GALNT18: variants seen among roughly 807,000 people sequenced by gnomAD.
GALNT18 encodes the protein polypeptide N-acetylgalactosaminyltransferase 18.
In GALNT18, 44 loss-of-function variants were observed where a neutral mutation model predicts 69.5. The ratio of observed to expected loss-of-function variants is 0.63; its 90% CI spans 0.50 to 0.81. The LOEUF is 0.81. GALNT18 is among the 40% of genes least tolerant of loss of function. The probability of loss-of-function intolerance (pLI) is 0.00; values close to 1 mark genes in which losing one functional copy is unlikely to be tolerated. For synonymous variants in GALNT18, 364 were observed against 318.2 expected, an observed-to-expected ratio of 1.14 and a Z score of -1.53; for missense variants, 715 against 810.0, an observed-to-expected ratio of 0.88 and a Z score of 1.42.
intron 2 of GALNT18, among the ~76,000 whole-genome samples, chr11:11,438,327 C>T (rs568592440): frequency 1.3e-5 from 2 of 152,306 alleles, no homozygotes; most frequent in East Asian, 3.9e-4. Flanking sequence ...ACTGTCCCTC[C>T]TTCTGGCTGG....
intron 2 of GALNT18, among the ~76,000 whole-genome samples, chr11:11,446,310 A>G (rs1273362730): frequency 6.6e-6 from 1 of 152,208 alleles, no homozygotes; most frequent in Non-Finnish European, 1.5e-5. Context: ...TATAATCTGT[A>G]AAATCCACCC....
intron 3 of GALNT18, among the ~76,000 whole-genome samples, chr11:11,429,373 C>CTT (rs1380254196): frequency 6.6e-6 from 1 of 152,232 alleles, no homozygotes. Context: ...ACTTTCGGTT[C>CTT]TTTCCTCTGC....
intron 10 of GALNT18, among the ~76,000 whole-genome samples, chr11:11,280,131 C>T (rs941755073): frequency 7.2e-5 from 11 of 152,236 alleles, no homozygotes; most frequent in South Asian, 2.1e-4. Context: ...CTGTGCCCCA[C>T]ACCCCAGGGC....
intron 9 of GALNT18, among the ~76,000 whole-genome samples, chr11:11,310,004 AT>A (rs1320927858): frequency 1.3e-5 from 2 of 152,138 alleles, no homozygotes; most frequent in African/African-American, 4.8e-5. Flanking sequence ...TAAAAAGCAA[AT>A]CCAAATGCAC....
chr11:11,360,971 C>T (rs1850632480), intron 6 of GALNT18, among the ~76,000 whole-genome samples: 1 of 152,124 alleles, frequency 6.6e-6, no homozygotes, highest in African/African-American at 2.4e-5. Flanking sequence ...CACAGAAAGT[C>T]CTCAAAGTCA....
chr11:11,585,782 A>G (rs1859202450), intron 1 of GALNT18, among the ~76,000 whole-genome samples: 1 of 150,868 alleles, frequency 6.6e-6, no homozygotes, highest in East Asian at 2.0e-4. Context: ...ATAGAAAACA[A>G]GGCCACTCTT....
intron 1 of GALNT18, among the ~76,000 whole-genome samples, chr11:11,599,321 G>T (rs1859578065): frequency 6.6e-6 from 1 of 151,964 alleles, no homozygotes; most frequent in South Asian, 2.1e-4. Context: ...CCTCCTTATG[G>T]ATTGATCCTT....
intron 1 of GALNT18, 112 bp from the exon 2 acceptor site, chr11:11,449,048 T>G: frequency 1.1e-6 from 1 of 894,594 alleles, no homozygotes; most frequent in Non-Finnish European, 1.6e-6. Context: ...CTTAGCCCCT[T>G]CTTTCGGGGT....
intron 1 of GALNT18, among the ~76,000 whole-genome samples, chr11:11,565,363 C>T (rs536724711): frequency 8.5e-5 from 13 of 152,282 alleles, no homozygotes; most frequent in African/African-American, 2.2e-4. Flanking sequence ...ACAGGACTGG[C>T]GGTGGCAGAG....
chr11:11,337,961 ATT>A lies in GALNT18; in HGVS notation c.1278+2856_1278+2857del, dbSNP rs11351706. On this transcript the variant is annotated intron_variant, in intron 7 of 10. Transcript: ENST00000227756. This position sits in a 1 kb window ranked among gnomAD's most constrained non-coding sequence, Gnocchi z 4.9. ...TGTACATAGCAGGAGTCATTTAAAG[ATT>A]TTTTTTTTTTTTTTTTTTTTGAGAC... is the stretch of plus-strand genomic sequence containing the variant. Among the ~76,000 whole-genome samples, 4,035 of 118,642 alleles carry A rather than the reference ATT, an allele frequency of 0.034. 53 individuals carry two copies. The highest frequency in any genetic ancestry group is 0.056 in the Middle Eastern group (12 of 214). The allele number at this position is 118,642 out of a possible 152,430, so 77.8% of individuals were successfully genotyped here.
chr11:11,445,455 T>A (rs1031715212), intron 2 of GALNT18, among the ~76,000 whole-genome samples: 3 of 152,234 alleles, frequency 2.0e-5, no homozygotes, highest in African/African-American at 7.2e-5. Context: ...TGAAAAGATG[T>A]TTCCAAAATG....
At position 11,293,108 on chromosome 11, in the gene GALNT18, T is replaced by C; in HGVS notation, c.1598A>G (p.Asp533Gly). ...VDDDDNRCLV[D>G]VNSRPRLIEC... is the part of the protein sequence containing the mutation. ...GATGAGCCGGGGCCGGCTGTTGACG[T>C]CCACCAGGCATCGGTTGTCATCATC... Residue 533 changes from aspartate to glycine, a missense_variant, in exon 10 of 11, where the codon GAC becomes GGC. By Grantham distance (94) the Asp-to-Gly change is moderately conservative. Coordinates refer to ENST00000227756, the MANE Select transcript of GALNT18 (RefSeq NM_198516.3). 1 of 1,378,168 alleles carries C rather than the reference T, an allele frequency of 7.3e-7. No homozygotes were observed. Among genetic ancestry groups the C allele is most frequent in the Non-Finnish European group, 9.5e-7 (1 of 1,056,642 alleles). The allele number at this position is 1,378,168 out of a possible 1,614,324, so 85.4% of individuals were successfully genotyped here.
chr11:11,431,124 G>C (rs559507369), intron 3 of GALNT18, among the ~76,000 whole-genome samples: 24 of 152,302 alleles, frequency 1.6e-4, no homozygotes, highest in African/African-American at 5.1e-4. Flanking sequence ...AGAAATGAAA[G>C]GCTCCGAGAT....
At chr11:11,462,589 G>A (rs577589760) in intron 1 of GALNT18, among the ~76,000 whole-genome samples, 18 of 152,088 alleles carry the variant, frequency 1.2e-4, no homozygotes, top group Admixed American at 3.9e-4. Context: ...CACCGCACCC[G>A]GCCCTTCCTT....
At chr11:11,575,834 C>A (rs907022495) in intron 1 of GALNT18, among the ~76,000 whole-genome samples, 5 of 152,226 alleles carry the variant, frequency 3.3e-5, no homozygotes, top group East Asian at 1.9e-4. Flanking sequence ...AGTCATCAAC[C>A]ATTCTAGACA....
At chr11:11,316,103 A>T (rs545789331) in intron 9 of GALNT18, among the ~76,000 whole-genome samples, 10 of 152,266 alleles carry the variant, frequency 6.6e-5, no homozygotes, top group African/African-American at 2.4e-4. Flanking sequence ...AAGCTGCAGG[A>T]GTGTACGAGG....
chr11:11,413,750 AC>A lies in GALNT18; in HGVS notation c.595+18870del, dbSNP rs1206943539. Among the ~76,000 whole-genome samples, 3 of 152,054 alleles carry A rather than the reference AC, an allele frequency of 2.0e-5. No homozygotes were observed. Among genetic ancestry groups the A allele is most frequent in the Non-Finnish European group, 2.9e-5 (2 of 68,006 alleles). On this transcript the variant is annotated intron_variant, in intron 3 of 10. Transcript: ENST00000227756. This position sits in a 1 kb window ranked among gnomAD's most constrained non-coding sequence, Gnocchi z 4.7. Reference sequence around the variant, plus strand: ...TGCTGTGTTATAACTAGGGTATTTCACCATTCTTCAAGAGGATGACTGTGGA... The same window carrying A: ...TGCTGTGTTATAACTAGGGTATTTCACATTCTTCAAGAGGATGACTGTGGA...
At position 11,594,836 on chromosome 11, in the gene GALNT18, TATATACAC is replaced by T. The variant is rs1219619674; in HGVS notation, c.235+26515_235+26522del. On this transcript the variant is annotated intron_variant, in intron 1 of 10. Transcript: ENST00000227756. ...TTGGGCATATATATATATATATATA[TATATACAC>T]ATATACATACATACACACACATAAA... is the stretch of plus-strand genomic sequence containing the variant. Among the ~76,000 whole-genome samples, 173 of 62,830 alleles carry T rather than the reference TATATACAC, an allele frequency of 2.8e-3. 1 individual carries two copies. Among genetic ancestry groups the T allele is most frequent in the Admixed American group, 4.6e-3 (32 of 6,938 alleles). 41.2% of individuals were successfully genotyped at this position (62,830 alleles called of 152,430 possible). A position where few individuals can be genotyped will look rare whatever the true frequency, so the allele number is the denominator to read the frequency against.
chr11:11,373,744 C>T (rs1380175330), intron 5 of GALNT18, among the ~76,000 whole-genome samples: 2 of 152,228 alleles, frequency 1.3e-5, no homozygotes. Flanking sequence ...GAGAATGATT[C>T]ACATGAGGTG....
Sources: allele counts gnomAD v4.1 joint callset (sites outside exome capture counted in the v4.1 genomes callset), GRCh38; gene constraint gnomAD v4.1.1; non-coding constraint Gnocchi (gnomAD v3.1); transcripts MANE v1.5; gene names NCBI Gene and HGNC (gene_info 2026-07-23, HGNC 2026-07-21).